The following JPH2 variants were observed in gnomAD, a reference collection of about 807,000 sequenced individuals.
JPH2 encodes the protein junctophilin 2, also known as junctophilin-2.
Under a neutral mutation model 55.9 loss-of-function variants are expected in JPH2, and 38 were observed. That is an observed-to-expected ratio of 0.68 (90% CI 0.52 to 0.89). The LOEUF is 0.89. JPH2 is among the 40% of genes least tolerant of loss of function. The probability of loss-of-function intolerance (pLI) is 0.00; values close to 1 mark genes in which losing one functional copy is unlikely to be tolerated. For synonymous variants in JPH2, 480 were observed against 472.4 expected (o/e 1.02, Z -0.21); for missense variants, 964 against 1,037.6 (o/e 0.93, Z 0.97).
intron 1 of JPH2, among the ~76,000 whole-genome samples, chr20:44,164,523 G>A (rs1033476121): frequency 1.5e-4 from 23 of 152,204 alleles, no homozygotes; most frequent in Non-Finnish European, 4.4e-5. Flanking sequence ...AGAAAAGAGA[G>A]TGTGCTAGAA....
intron 1 of JPH2, among the ~76,000 whole-genome samples, chr20:44,174,736 C>T (rs2072721097): frequency 1.3e-5 from 2 of 152,150 alleles, no homozygotes; most frequent in African/African-American, 4.8e-5. Context: ...TGTGGTGGCT[C>T]AGGGCTGTAA....
At chr20:44,173,228 C>T (rs756151575) in intron 1 of JPH2, among the ~76,000 whole-genome samples, 2 of 152,272 alleles carry the variant, frequency 1.3e-5, no homozygotes, top group Non-Finnish European at 1.5e-5. Context: ...ACCTCCCCAG[C>T]GACTCCTATA....
At chr20:44,162,785 TATACAC>T (rs1178253149) in intron 1 of JPH2, among the ~76,000 whole-genome samples, 999 of 49,714 alleles carry the variant, frequency 0.02, 4 homozygotes, top group Non-Finnish European at 0.025. Flanking sequence ...TATATATATA[TATACAC>T]ACACACACAC....
rs1243992654 is a variant in JPH2 at position 44,111,280 on chromosome 20, G to A, written c.*2238C>T. 3.9e-5 allele frequency among the ~76,000 whole-genome samples: 6 copies of A among 152,120 alleles called. No individual in the cohort carries two copies. Among genetic ancestry groups the A allele is most frequent in the East Asian group, 1.9e-4 (1 of 5,192 alleles). On this transcript the variant is annotated 3_prime_UTR_variant, in exon 6 of 6. Coordinates refer to ENST00000372980, the MANE Select transcript of JPH2 (RefSeq NM_020433.5). ...GCACCATAGCGTGATAACAACACTCGTCTCCATTTCTCCACTGCTTTCTAC... is the reference window on the plus strand; with the variant it reads ...GCACCATAGCGTGATAACAACACTCATCTCCATTTCTCCACTGCTTTCTAC...
At chr20:44,119,345 A>G (rs1600831244) in intron 2 of JPH2, among the ~76,000 whole-genome samples, 1 of 152,212 alleles carries the variant, frequency 6.6e-6, no homozygotes, top group East Asian at 1.9e-4. Flanking sequence ...TACTACTACT[A>G]TTATGGTTTA....
At position 44,133,869 on chromosome 20, in the gene JPH2, ATATAT is replaced by A. The variant is rs1264436723; in HGVS notation, c.1170-15251_1170-15247del. Among the ~76,000 whole-genome samples, 4 of 94,668 alleles carry A rather than the reference ATATAT, an allele frequency of 4.2e-5. No homozygotes were observed. In the South Asian group the frequency reaches 1.1e-3, roughly 26 times the overall value. 62.1% of individuals were successfully genotyped at this position (94,668 alleles called of 152,430 possible). A position where few individuals can be genotyped will look rare whatever the true frequency, so the allele number is the denominator to read the frequency against. Reference sequence around the variant, plus strand: ...TATATATAAATAAATATACATTATAATATATAAATATATATTTATTATAAATATAT... The same window carrying A: ...TATATATAAATAAATATACATTATAAAAATATATATTTATTATAAATATAT... On this transcript the variant is annotated intron_variant, in intron 2 of 5. Transcript: ENST00000372980.
At chr20:44,126,451 G>C (rs1195568447) in intron 2 of JPH2, among the ~76,000 whole-genome samples, 2 of 152,094 alleles carry the variant, frequency 1.3e-5, no homozygotes, top group African/African-American at 4.8e-5. Context: ...TTCCTGAGGT[G>C]GGGATGCTTC....
At chr20:44,136,812 T>C (rs151214950) in intron 2 of JPH2, among the ~76,000 whole-genome samples, 199 of 152,336 alleles carry the variant, frequency 1.3e-3, no homozygotes, top group African/African-American at 4.6e-3. Flanking sequence ...GGGTTACTAA[T>C]AGCACTTAGC....
intron 2 of JPH2, among the ~76,000 whole-genome samples, chr20:44,148,419 G>T (rs957746661): frequency 6.6e-6 from 1 of 152,110 alleles, no homozygotes; most frequent in African/African-American, 2.4e-5. Flanking sequence ...CCGTTCCAGT[G>T]CTCCTTCTGC....
intron 1 of JPH2, among the ~76,000 whole-genome samples, chr20:44,167,135 C>CA (rs1430822347): frequency 6.6e-6 from 1 of 152,220 alleles, no homozygotes; most frequent in African/African-American, 2.4e-5. Context: ...TCTTGAGCCC[C>CA]ATTCCCTGAG....
At chr20:44,141,272 C>T (rs2072454725) in intron 2 of JPH2, among the ~76,000 whole-genome samples, 2 of 152,178 alleles carry the variant, frequency 1.3e-5, no homozygotes, top group South Asian at 4.1e-4. Flanking sequence ...GTCTTCACTT[C>T]TGCATGGAGA....
chr20:44,166,904 G>A (rs570098134), intron 1 of JPH2, among the ~76,000 whole-genome samples: 89 of 152,256 alleles, frequency 5.8e-4, no homozygotes, highest in Non-Finnish European at 1.1e-3. Context: ...CAAAGGAAAC[G>A]GGGGAGATCC....
rs1030317003 is a variant in JPH2, at chr20:44,108,266, T to C, written c.*5252A>G. ...GCATTTGGAACCCTCCCAGATTCCT[T>C]CCTATGTCCCTTTCCCTTGGCTGGT... On this transcript the variant is annotated 3_prime_UTR_variant, in exon 6 of 6. Coordinates refer to ENST00000372980, the MANE Select transcript of JPH2 (RefSeq NM_020433.5). Among the ~76,000 whole-genome samples the C allele has an allele frequency of 5.9e-5, 9 of 152,210 alleles. No individual in the cohort carries two copies. Among genetic ancestry groups the C allele is most frequent in the African/African-American group, 1.9e-4 (8 of 41,452 alleles).
intron 1 of JPH2, among the ~76,000 whole-genome samples, chr20:44,168,454 TTACA>T (rs1263198096): frequency 3.9e-5 from 6 of 152,226 alleles, no homozygotes; most frequent in Admixed American, 3.9e-4. Context: ...AATTTTTAAG[TTACA>T]TACATAGTTC....
chr20:44,117,304 A>T (rs2072200303), intron 3 of JPH2, among the ~76,000 whole-genome samples: 1 of 152,152 alleles, frequency 6.6e-6, no homozygotes, highest in Non-Finnish European at 1.5e-5. Flanking sequence ...CAAAACCTTC[A>T]TCGCAGAGAA....
chr20:44,132,554 C>T (rs1354931449), intron 2 of JPH2, among the ~76,000 whole-genome samples: 1 of 151,682 alleles, frequency 6.6e-6, no homozygotes, highest in East Asian at 1.9e-4. Context: ...CAATTCAGGG[C>T]CCAAGCACGA....
At chr20:44,183,712 C>CA (rs1301807303) in intron 1 of JPH2, among the ~76,000 whole-genome samples, 1 of 152,198 alleles carries the variant, frequency 6.6e-6, no homozygotes, top group Non-Finnish European at 1.5e-5. Flanking sequence ...TGCCAAATGT[C>CA]ATTTGTAAAA....
Position 44,160,459 on chromosome 20 carries a change from G to T in JPH2, c.380-52C>A. The T allele has an allele frequency of 4.4e-6, 7 of 1,579,080 alleles. No individual in the cohort carries two copies. Among genetic ancestry groups the T allele is most frequent in the Non-Finnish European group, 6.0e-6 (7 of 1,162,336 alleles). ...TAGGCGGCACGACGGGTCCCCGCGTGTGCACGGTGGCCTGGGAGGGCAAGG... is the reference window on the plus strand; with the variant it reads ...TAGGCGGCACGACGGGTCCCCGCGTTTGCACGGTGGCCTGGGAGGGCAAGG... On this transcript the variant is annotated intron_variant, in intron 1 of 5. Coordinates refer to ENST00000372980, the MANE Select transcript of JPH2 (RefSeq NM_020433.5). The surrounding 1 kb of genome is among the most constrained non-coding windows in gnomAD (Gnocchi z 4.9).
At chr20:44,169,047 C>A (rs942562884) in intron 1 of JPH2, among the ~76,000 whole-genome samples, 1 of 152,208 alleles carries the variant, frequency 6.6e-6, no homozygotes, top group Non-Finnish European at 1.5e-5. Flanking sequence ...TCCCCTTCAC[C>A]TTCTGCCATG....
Sources: gnomAD v4.1 joint callset for allele counts (sites outside exome capture counted in the v4.1 genomes callset) on GRCh38, gnomAD v4.1.1 for gene constraint, Gnocchi (gnomAD v3.1) non-coding constraint, MANE v1.5 for transcripts, NCBI Gene and HGNC (gene_info 2026-07-23, HGNC 2026-07-21) for gene names.